Variants in NUMB observed in about 807,000 individuals in gnomAD.
The protein encoded by NUMB is protein numb homolog.
In NUMB, 29 loss-of-function variants were observed where a neutral mutation model predicts 59.7. The observed-to-expected ratio is 0.49, with a 90% CI of 0.36 to 0.66. The LOEUF (loss-of-function observed/expected upper bound fraction) is 0.66. Ranked by LOEUF, NUMB falls within the 30% of genes least tolerant of loss-of-function variation. The pLI is 0.00. For synonymous variants in NUMB, 288 were observed against 288.2 expected (o/e 1.00, Z 0.01); for missense variants, 723 against 822.0 (o/e 0.88, Z 1.47).
intron 8 of NUMB, among the ~76,000 whole-genome samples, chr14:73,290,797 C>A (rs1330423500): frequency 6.6e-6 from 1 of 152,034 alleles, no homozygotes. Context: ...ATCCCAAATC[C>A]GAAAAGCCAA....
chr14:73,317,705 A>C (rs1004358661), intron 5 of NUMB, among the ~76,000 whole-genome samples: 1 of 152,236 alleles, frequency 6.6e-6, no homozygotes, highest in African/African-American at 2.4e-5. Flanking sequence ...TGCTATCAGC[A>C]CCAATTTTTA....
chr14:73,282,582 C>T, intron 10 of NUMB, 77 bp from the exon 11 acceptor site: 1 of 1,448,812 alleles, frequency 6.9e-7, no homozygotes, highest in African/African-American at 1.4e-5. Context: ...TGCAAGCTGG[C>T]ACTTTATACT....
chr14:73,338,436 T>G (rs1208894226), intron 4 of NUMB, among the ~76,000 whole-genome samples: 1 of 152,118 alleles, frequency 6.6e-6, no homozygotes, highest in African/African-American at 2.4e-5. Flanking sequence ...CTCCCTAACA[T>G]AAGTCACATC....
chr14:73,281,968 A>G (rs1888661281), intron 11 of NUMB, among the ~76,000 whole-genome samples: 1 of 152,218 alleles, frequency 6.6e-6, no homozygotes, highest in Non-Finnish European at 1.5e-5. Flanking sequence ...GTGAAAGACA[A>G]ACTTTGCCCC....
intron 4 of NUMB, among the ~76,000 whole-genome samples, chr14:73,331,677 C>T (rs1036605694): frequency 6.6e-6 from 1 of 152,164 alleles, no homozygotes; most frequent in Non-Finnish European, 1.5e-5. Context: ...GTAATTGGAT[C>T]ATGGGGGCTG....
chr14:73,394,405 TAAA>T (rs74677402), intron 2 of NUMB, among the ~76,000 whole-genome samples: 12 of 137,406 alleles, frequency 8.7e-5, no homozygotes, highest in East Asian at 2.1e-4. Context: ...CAGTTTTCTT[TAAA>T]AAAAAAAAAA....
chr14:73,310,676 G>C (rs1754252530), intron 6 of NUMB, among the ~76,000 whole-genome samples: 1 of 152,158 alleles, frequency 6.6e-6, no homozygotes, highest in South Asian at 2.1e-4. Flanking sequence ...GCAGTTTCAT[G>C]AACTACCCTG....
chr14:73,356,667 A>T (rs1893801487), intron 3 of NUMB, among the ~76,000 whole-genome samples: 1 of 152,190 alleles, frequency 6.6e-6, no homozygotes, highest in Admixed American at 6.6e-5. Flanking sequence ...CTTAAAGAAA[A>T]AAAATGTGCT....
intron 6 of NUMB, among the ~76,000 whole-genome samples, chr14:73,308,040 T>C (rs1030840265): frequency 6.6e-6 from 1 of 152,136 alleles, no homozygotes; most frequent in Admixed American, 6.5e-5. Context: ...GCCGGGCCTC[T>C]GTCTTAAAAA....
At chr14:73,422,397 G>A (rs1897388056) in intron 1 of NUMB, among the ~76,000 whole-genome samples, 1 of 152,032 alleles carries the variant, frequency 6.6e-6, no homozygotes, top group African/African-American at 2.4e-5. Flanking sequence ...AGCTCAATAT[G>A]GCCTCCAAAT....
chr14:73,367,700 G>A (rs1275715675), intron 2 of NUMB, among the ~76,000 whole-genome samples: 2 of 150,756 alleles, frequency 1.3e-5, no homozygotes, highest in Admixed American at 6.7e-5. Flanking sequence ...GGTTGAGCCT[G>A]GGAGGTCAAG....
chr14:73,279,580 T>C (rs534419404), intron 11 of NUMB, among the ~76,000 whole-genome samples, 156 bp from the exon 12 acceptor site: 24 of 152,328 alleles, frequency 1.6e-4, no homozygotes, highest in African/African-American at 5.5e-4. Flanking sequence ...TTGCATTGGA[T>C]GTACATACCA....
chr14:73,357,065 TAAA>T, intron 3 of NUMB: 2 of 928,956 alleles, frequency 2.2e-6, no homozygotes, highest in Non-Finnish European at 2.6e-6. Context: ...TATAGTAACA[TAAA>T]AAAAATGACA....
At chr14:73,358,189 C>T (rs1320759727) in intron 3 of NUMB, among the ~76,000 whole-genome samples, 1 of 152,082 alleles carries the variant, frequency 6.6e-6, no homozygotes, top group Non-Finnish European at 1.5e-5. Flanking sequence ...GGATGGAGCT[C>T]CATAGAGGCA....
intron 1 of NUMB, among the ~76,000 whole-genome samples, chr14:73,419,285 C>T (rs759169690): frequency 2.0e-5 from 3 of 151,984 alleles, no homozygotes; most frequent in South Asian, 2.1e-4. Context: ...CCGAGGCGGG[C>T]GGATCACAAG....
intron 1 of NUMB, among the ~76,000 whole-genome samples, chr14:73,433,112 C>A (rs1213343091): frequency 1.3e-5 from 2 of 151,910 alleles, no homozygotes; most frequent in African/African-American, 2.4e-5. Flanking sequence ...GAGGCTGAGA[C>A]AGGAGAATTG....
At chr14:73,437,313 A>T (rs1041568504) in intron 1 of NUMB, among the ~76,000 whole-genome samples, 1 of 152,180 alleles carries the variant, frequency 6.6e-6, no homozygotes, top group African/African-American at 2.4e-5. Flanking sequence ...CTGGGATTAC[A>T]GGCATAAGCC....
chr14:73,399,172 A>G (rs1896290693), intron 2 of NUMB, among the ~76,000 whole-genome samples: 1 of 152,230 alleles, frequency 6.6e-6, no homozygotes, highest in Non-Finnish European at 1.5e-5. Context: ...CATACACACA[A>G]AACAATATGA....
chr14:73,435,736 G>A (rs1260314832), intron 1 of NUMB, among the ~76,000 whole-genome samples: 1 of 152,018 alleles, frequency 6.6e-6, no homozygotes, highest in African/African-American at 2.4e-5. Context: ...TCTGGGCTCA[G>A]TGGCTCACGC....
Sources: gnomAD v4.1 joint callset for allele counts (sites outside exome capture counted in the v4.1 genomes callset) on GRCh38, gnomAD v4.1.1 for gene constraint, MANE v1.5 for transcripts, NCBI Gene and HGNC (gene_info 2026-07-23, HGNC 2026-07-21) for gene names.